DLGAP1: variants seen among roughly 807,000 people sequenced by gnomAD.
DLGAP1 encodes disks large-associated protein 1.
Under a neutral mutation model 90.8 loss-of-function variants are expected in DLGAP1, and 11 were observed. That is an observed-to-expected ratio of 0.12 (90% CI 0.08 to 0.20). The LOEUF (loss-of-function observed/expected upper bound fraction) is 0.20, where lower values mean the gene tolerates loss of function less well. DLGAP1 is among the 10% of genes least tolerant of loss of function. The pLI, the probability that DLGAP1 is intolerant of heterozygous loss-of-function variation, is 1.00. For missense variants in DLGAP1, 1,050 were observed against 1,333.8 expected (o/e 0.79, Z 3.31); for synonymous variants, 558 against 540.7 (o/e 1.03, Z -0.44).
At chr18:3,897,948 C>A (rs913139709) in intron 3 of DLGAP1, among the ~76,000 whole-genome samples, 2 of 151,498 alleles carry the variant, frequency 1.3e-5, no homozygotes, top group Admixed American at 6.6e-5. Flanking sequence ...GCGCCCGCCA[C>A]CGCGCCCGGC....
At chr18:3,648,560 CA>C (rs1567895637) in intron 7 of DLGAP1, among the ~76,000 whole-genome samples, 2 of 152,172 alleles carry the variant, frequency 1.3e-5, no homozygotes, top group African/African-American at 4.8e-5. Context: ...CTGAAAATAT[CA>C]AGGCCATTTT....
At chr18:4,430,220 T>C (rs1180291884) in intron 1 of DLGAP1, among the ~76,000 whole-genome samples, 1 of 152,224 alleles carries the variant, frequency 6.6e-6, no homozygotes, top group Non-Finnish European at 1.5e-5. Flanking sequence ...TGAGTTGTTA[T>C]GTCTTCTATC....
intron 9 of DLGAP1, among the ~76,000 whole-genome samples, chr18:3,558,333 A>C (rs988891674): frequency 5.9e-5 from 9 of 152,124 alleles, no homozygotes; most frequent in African/African-American, 2.2e-4. Context: ...CCTGGATTCA[A>C]GTGACTCTCC....
At chr18:3,507,587 AAAAC>A (rs1294186445) in intron 11 of DLGAP1, among the ~76,000 whole-genome samples, 1 of 152,174 alleles carries the variant, frequency 6.6e-6, no homozygotes, top group African/African-American at 2.4e-5. Flanking sequence ...GGATAAAAGA[AAAAC>A]AAAAAACCTC....
At chr18:3,596,340 A>G (rs2145635894) in intron 7 of DLGAP1, among the ~76,000 whole-genome samples, 1 of 151,934 alleles carries the variant, frequency 6.6e-6, no homozygotes, top group South Asian at 2.1e-4. Context: ...TTATATTTTT[A>G]ATAGAGACGG....
rs902202366 is a variant in DLGAP1 at position 3,560,664 on chromosome 18, A to C, written c.2057+6826T>G. On this transcript the variant is annotated intron_variant, in intron 9 of 12. Transcript: ENST00000315677. ...GCAGCAAGCTGCACATTTTTTTCTA[A>C]ATGGGAAAAGGGTTAAGCTGATTAT... 3.2e-4 allele frequency among the ~76,000 whole-genome samples: 48 copies of C among 150,494 alleles called. 3 individuals are homozygous for C. The highest frequency in any genetic ancestry group is 1.0e-3 in the African/African-American group (41 of 40,216).
At chr18:3,895,832 G>C (rs1044841635) in intron 3 of DLGAP1, 1 of 152,154 alleles carries the variant, frequency 6.6e-6, no homozygotes, top group African/African-American at 2.4e-5. Flanking sequence ...CACAGTTAGA[G>C]GCTCCTGAAC....
chr18:3,525,979 G>T (rs1013140989), intron 10 of DLGAP1, among the ~76,000 whole-genome samples: 1 of 152,188 alleles, frequency 6.6e-6, no homozygotes, highest in Non-Finnish European at 1.5e-5. Flanking sequence ...TGTGCAAAGC[G>T]GCATGAATGG....
At position 4,454,527 on chromosome 18, in the gene DLGAP1, T is replaced by A. The variant is rs1316353660; in HGVS notation, c.-267+479A>T. Among the ~76,000 whole-genome samples the A allele has an allele frequency of 6.6e-5, 10 of 152,106 alleles. No homozygotes were observed. The highest frequency in any genetic ancestry group is 6.5e-4 in the Admixed American group (10 of 15,284). On this transcript the variant is annotated intron_variant, in intron 1 of 12. Coordinates refer to ENST00000315677, the MANE Select transcript of DLGAP1 (RefSeq NM_004746.4). The surrounding 1 kb of genome is among the most constrained non-coding windows in gnomAD (Gnocchi z 4.7). The stretch of plus-strand genomic sequence containing the variant: ...GCCAAAATGTCACCCAAAAAGCTAG[T>A]GCAACAACTTGCTTTGCAAACGACC...
At chr18:4,400,771 G>A (rs2082538247) in intron 1 of DLGAP1, among the ~76,000 whole-genome samples, 4 of 152,064 alleles carry the variant, frequency 2.6e-5, no homozygotes, top group Admixed American at 2.6e-4. Flanking sequence ...CTGATTTGTG[G>A]TGGTGCCTGA....
chr18:3,599,242 A>C (rs1056168210), intron 7 of DLGAP1, among the ~76,000 whole-genome samples: 2 of 152,248 alleles, frequency 1.3e-5, no homozygotes, highest in African/African-American at 4.8e-5. Context: ...TAATAAAGCC[A>C]GGCGCTTTAC....
At chr18:3,792,353 T>A (rs1181611047) in intron 5 of DLGAP1, among the ~76,000 whole-genome samples, 3 of 151,886 alleles carry the variant, frequency 2.0e-5, no homozygotes, top group Non-Finnish European at 2.9e-5. Flanking sequence ...TGGTGGTGCA[T>A]GGCCTGTAAT....
chr18:4,028,118 A>T (rs1336759163), intron 2 of DLGAP1, among the ~76,000 whole-genome samples: 6 of 152,234 alleles, frequency 3.9e-5, no homozygotes, highest in Non-Finnish European at 7.3e-5. Context: ...TGTCAAGAAG[A>T]TTCTAAAACT....
chr18:4,250,821 A>G (rs972028151), intron 1 of DLGAP1, among the ~76,000 whole-genome samples: 3 of 152,218 alleles, frequency 2.0e-5, no homozygotes, highest in Middle Eastern at 3.2e-3. Flanking sequence ...GACTTATTCA[A>G]AAGCAGACCT....
chr18:3,579,914 T>A (rs1279485915), intron 8 of DLGAP1, among the ~76,000 whole-genome samples: 4 of 152,194 alleles, frequency 2.6e-5, no homozygotes. Flanking sequence ...CCCACATCTA[T>A]GGGAAGTGAT....
chr18:4,349,029 C>T (rs1355592898), intron 1 of DLGAP1, among the ~76,000 whole-genome samples: 1 of 152,076 alleles, frequency 6.6e-6, no homozygotes, highest in African/African-American at 2.4e-5. Context: ...TTGGCATAGT[C>T]TCAAACTCTT....
At chr18:4,005,467 G>T (rs2074280875) in intron 2 of DLGAP1, among the ~76,000 whole-genome samples, 1 of 152,050 alleles carries the variant, frequency 6.6e-6, no homozygotes, top group South Asian at 2.1e-4. Flanking sequence ...TTCCCCAGCT[G>T]CCCAGTTTTC....
chr18:3,787,291 G>A (rs8099584), intron 5 of DLGAP1, among the ~76,000 whole-genome samples: 28,923 of 151,608 alleles, frequency 0.19, 2,898 homozygotes, highest in Admixed American at 0.23. Flanking sequence ...AAACCAGCCT[G>A]GCCGATATGG....
intron 7 of DLGAP1, among the ~76,000 whole-genome samples, chr18:3,705,534 C>T (rs1489262967): frequency 6.6e-6 from 1 of 151,828 alleles, no homozygotes; most frequent in South Asian, 2.1e-4. Flanking sequence ...AACCATCAGA[C>T]CCCAAGGAGC....
Sources: allele counts gnomAD v4.1 joint callset (sites outside exome capture counted in the v4.1 genomes callset), GRCh38; gene constraint gnomAD v4.1.1; non-coding constraint Gnocchi (gnomAD v3.1); transcripts MANE v1.5; gene names NCBI Gene and HGNC (gene_info 2026-07-23, HGNC 2026-07-21).